The following DPYSL5 variants were observed in gnomAD, a reference collection of about 807,000 sequenced individuals.
The protein encoded by DPYSL5 is dihydropyrimidinase like 5.
Under a neutral mutation model 58.4 loss-of-function variants are expected in DPYSL5, and 9 were observed. The observed-to-expected ratio is 0.15, with a 90% CI of 0.09 to 0.27. DPYSL5 has a LOEUF of 0.27. Among genes scored for constraint, DPYSL5 ranks in the 10% least tolerant of loss-of-function variants. The pLI is 1.00. For missense variants in DPYSL5, 499 were observed against 770.6 expected (o/e 0.65, Z 4.17); for synonymous variants, 293 against 301.9 (o/e 0.97, Z 0.31).
Position 26,942,427 on chromosome 2 carries a change from T to C in DPYSL5, c.1233-116T>C. 8.3e-7 allele frequency: 1 copy of C among 1,206,064 alleles called. No homozygotes were observed. The highest frequency in any genetic ancestry group is 1.2e-6 in the Non-Finnish European group (1 of 858,638). The allele number at this position is 1,206,064 out of a possible 1,614,324, so 74.7% of individuals were successfully genotyped here. On this transcript the variant is annotated intron_variant, in intron 10 of 12. Coordinates refer to ENST00000288699, the MANE Select transcript of DPYSL5 (RefSeq NM_020134.4). The surrounding 1 kb of genome is among the most constrained non-coding windows in gnomAD (Gnocchi z 5.9). The stretch of plus-strand genomic sequence containing the variant: ...TGTTAGAACTTCAGCAGAAGAATTT[T>C]GAAGGGAGCCAATTCAACCCATAAC...
chr2:26,911,812 A>T (rs1664447868), intron 2 of DPYSL5, among the ~76,000 whole-genome samples: 1 of 152,132 alleles, frequency 6.6e-6, no homozygotes, highest in African/African-American at 2.4e-5. Context: ...TTTCTGGTTT[A>T]GTGCCTTGAT....
At chr2:26,932,208 AAAAG>A (rs144602360) in intron 6 of DPYSL5, among the ~76,000 whole-genome samples, 20,576 of 69,274 alleles carry the variant, frequency 0.3, 3,310 homozygotes, top group South Asian at 0.36. Flanking sequence ...AGAAAGAAAG[AAAAG>A]AAAGAAAGAA....
chr2:26,867,923 G>T (rs1020777034), intron 1 of DPYSL5, among the ~76,000 whole-genome samples: 1 of 152,106 alleles, frequency 6.6e-6, no homozygotes, highest in East Asian at 1.9e-4. Context: ...TTTCAGAAGG[G>T]TGCAATAATT....
chr2:26,859,265 A>G (rs890327810), intron 1 of DPYSL5, among the ~76,000 whole-genome samples: 1 of 152,198 alleles, frequency 6.6e-6, no homozygotes, highest in Admixed American at 6.5e-5. Flanking sequence ...TAGTACAACC[A>G]CAAAAATCCT....
Position 26,933,512 on chromosome 2 carries a change from T to C in DPYSL5, c.790+179T>C, listed in dbSNP as rs1183812772. ...GCCCTGTGCTATGCTGGCTTTAGTC[T>C]GCTAGAACATGAGCTTTTTCTTCTG... On this transcript the variant is annotated intron_variant, in intron 7 of 12. Coordinates refer to ENST00000288699, the MANE Select transcript of DPYSL5 (RefSeq NM_020134.4). This position sits in a 1 kb window ranked among gnomAD's most constrained non-coding sequence, Gnocchi z 4.2. Among the ~76,000 whole-genome samples, 4 of 152,248 alleles carry C rather than the reference T, an allele frequency of 2.6e-5. No homozygotes were observed. Among genetic ancestry groups the C allele is most frequent in the Non-Finnish European group, 5.9e-5 (4 of 68,044 alleles).
chr2:26,913,752 A>G (rs532034142), intron 2 of DPYSL5, among the ~76,000 whole-genome samples: 5 of 152,254 alleles, frequency 3.3e-5, no homozygotes, highest in African/African-American at 9.6e-5. Flanking sequence ...AGTGAGAGTG[A>G]TGTCACTTTT....
chr2:26,915,924 A>T (rs971347699), intron 2 of DPYSL5, among the ~76,000 whole-genome samples: 3 of 152,158 alleles, frequency 2.0e-5, no homozygotes, highest in Non-Finnish European at 4.4e-5. Context: ...CCTCATCTGA[A>T]CAATGAGGAT....
chr2:26,915,666 A>C (rs1664545375), intron 2 of DPYSL5, among the ~76,000 whole-genome samples: 1 of 152,024 alleles, frequency 6.6e-6, no homozygotes, highest in South Asian at 2.1e-4. Context: ...TCTGCGGTGC[A>C]TTTTCCAAAT....
In DPYSL5 at chr2:26,927,397, C is replaced by T. The variant is rs1001102042; in HGVS notation, c.565C>T (p.Arg189Cys). The change falls in exon 4 of 13, where the codon CGC (arginine) becomes TGC (cysteine). Residue 189 changes from arginine (R) to cysteine (C), a missense_variant. By Grantham distance (180) the Arg-to-Cys change is radical. This residue lies in a region of DPYSL5 where 404 missense variants were observed against 647.6 expected (regional missense o/e 0.62). Transcript: ENST00000288699. The surrounding 1 kb of genome is among the most constrained non-coding windows in gnomAD (Gnocchi z 4.3). ...HACKDIGAIA[R>C]VHAENGELVA... ...TTGCAAGGACATTGGGGCAATCGCC[C>T]GCGTCCATGCTGAAAATGGGGAGCT... is the stretch of plus-strand genomic sequence containing the variant. 3.1e-6 allele frequency: 5 copies of T among 1,614,168 alleles called. No homozygotes were observed. The highest frequency in any genetic ancestry group is 1.3e-5 in the African/African-American group (1 of 75,060).
At chr2:26,861,946 A>G (rs1666028439) in intron 1 of DPYSL5, among the ~76,000 whole-genome samples, 1 of 152,154 alleles carries the variant, frequency 6.6e-6, no homozygotes, top group Non-Finnish European at 1.5e-5. Context: ...GTAAGTGGCT[A>G]TTTTGGGAAA....
chr2:26,949,923 T>G lies in DPYSL5; in HGVS notation c.*2928T>G, dbSNP rs1665593957. On this transcript the variant is annotated 3_prime_UTR_variant, in exon 13 of 13. Coordinates refer to ENST00000288699, the MANE Select transcript of DPYSL5 (RefSeq NM_020134.4). ...GCTCTCAAACTGGTCTTGTACTTGC[T>G]GAATAAATACTGTTGTTCTTGCCTT... 1 of 152,440 alleles carries G rather than the reference T, an allele frequency of 6.6e-6. No homozygotes were observed. The highest frequency in any genetic ancestry group is 2.4e-5 in the African/African-American group (1 of 41,466). The allele number at this position is 152,440 out of a possible 1,614,324, so 9.4% of individuals were successfully genotyped here. A position where few individuals can be genotyped will look rare whatever the true frequency, so the allele number is the denominator to read the frequency against.
intron 8 of DPYSL5, chr2:26,939,707 A>G (rs1042518979): frequency 1.8e-5 from 5 of 274,496 alleles, no homozygotes; most frequent in Non-Finnish European, 2.8e-5. Context: ...ATGAGAGTAG[A>G]ACTACCTCCA....
In DPYSL5 at chr2:26,934,556, G is replaced by A; in HGVS notation, c.791-22G>A. 1.9e-6 allele frequency: 3 copies of A among 1,609,596 alleles called. No homozygotes were observed. Among genetic ancestry groups the A allele is most frequent in the Non-Finnish European group, 1.7e-6 (2 of 1,178,600 alleles). ...CAGGTTCGGTGGCTTCCTGGTTATGGTTCTGACCTTTCTTCTTCCAGGGAA... is the reference window on the plus strand; with the variant it reads ...CAGGTTCGGTGGCTTCCTGGTTATGATTCTGACCTTTCTTCTTCCAGGGAA... On this transcript the variant is annotated intron_variant, in intron 7 of 12. Coordinates refer to ENST00000288699, the MANE Select transcript of DPYSL5 (RefSeq NM_020134.4). This position sits in a 1 kb window ranked among gnomAD's most constrained non-coding sequence, Gnocchi z 4.3.
rs923118262 is a variant in DPYSL5 at position 26,927,659 on chromosome 2, C to T, written c.600+227C>T. 6.6e-6 allele frequency among the ~76,000 whole-genome samples: 1 copy of T among 152,166 alleles called. No homozygotes were observed. The highest frequency in any genetic ancestry group is 1.5e-5 in the Non-Finnish European group (1 of 68,028). The stretch of plus-strand genomic sequence containing the variant: ...TTATGGTTCAAAAAGGCTTCTAAGT[C>T]GTAGGTGATGATGTCTTAATTCTAA... On this transcript the variant is annotated intron_variant, in intron 4 of 12. Transcript: ENST00000288699. This position sits in a 1 kb window ranked among gnomAD's most constrained non-coding sequence, Gnocchi z 4.3.
intron 1 of DPYSL5, among the ~76,000 whole-genome samples, chr2:26,887,248 C>T (rs145791080): frequency 1.1e-3 from 163 of 152,360 alleles, no homozygotes; most frequent in Non-Finnish European, 1.6e-3. Context: ...AGAGGAAATG[C>T]ATGTCTGAAA....
chr2:26,921,030 AC>A (rs1409503392), intron 2 of DPYSL5, among the ~76,000 whole-genome samples: 1 of 152,220 alleles, frequency 6.6e-6, no homozygotes, highest in Admixed American at 6.5e-5. Flanking sequence ...TTGTATTATA[AC>A]ACATTTTAAA....
intron 1 of DPYSL5, among the ~76,000 whole-genome samples, chr2:26,862,160 C>T (rs1666032427): frequency 6.6e-6 from 1 of 152,202 alleles, no homozygotes; most frequent in Admixed American, 6.5e-5. Context: ...GGACCCAGGG[C>T]TCCTGACCCA....
chr2:26,931,189 GTGTGTGTGTGTGTGTATATATATATATA>G (rs1558350602), intron 5 of DPYSL5, among the ~76,000 whole-genome samples: 1 of 59,508 alleles, frequency 1.7e-5, no homozygotes, highest in African/African-American at 5.8e-5. Context: ...GTGTGTGTGT[GTGTGTGTGTGTGTGTATATATATATATA>G]TATATATATA....
intron 1 of DPYSL5, among the ~76,000 whole-genome samples, chr2:26,876,423 G>A (rs902158539): frequency 8.5e-5 from 13 of 152,226 alleles, no homozygotes; most frequent in Admixed American, 3.3e-4. Flanking sequence ...GATAAGCTTG[G>A]TTTTAGATGG....
Sources: gnomAD v4.1 joint callset for allele counts (sites outside exome capture counted in the v4.1 genomes callset) on GRCh38, gnomAD v4.1.1 for gene constraint, gnomAD v4.1.1 regional missense constraint, Gnocchi (gnomAD v3.1) non-coding constraint, MANE v1.5 for transcripts, NCBI Gene and HGNC (gene_info 2026-07-23, HGNC 2026-07-21) for gene names.